EPG5: variants seen among roughly 807,000 people sequenced by gnomAD.
EPG5 encodes the protein ectopic P-granules 5 autophagy tethering factor.
A neutral mutation model predicts 302.7 loss-of-function variants in EPG5; 159 were observed. The observed-to-expected ratio is 0.53, with a 90% CI of 0.46 to 0.60. The LOEUF is 0.60. Ranked by LOEUF, EPG5 falls within the 20% of genes least tolerant of loss-of-function variation. EPG5 has a pLI of 0.00. For synonymous variants in EPG5, 1,158 were observed against 1,136.8 expected, an observed-to-expected ratio of 1.02 and a Z score of -0.37; for missense variants, 2,896 against 3,092.4, an observed-to-expected ratio of 0.94 and a Z score of 1.51.
the EPG5 span, chr18:45,837,118 G>A: frequency 1.2e-5 from 19 of 1,611,256 alleles, no homozygotes; most frequent in East Asian, 1.3e-4. Flanking sequence ...TCACCATCTC[G>A]GGGATCTTGG....
intron 31 of EPG5, among the ~76,000 whole-genome samples, chr18:45,881,549 T>G (rs1002408587): frequency 6.6e-6 from 1 of 152,216 alleles, no homozygotes; most frequent in African/African-American, 2.4e-5. Context: ...AAAGCAAAAT[T>G]TCATTTGCTA....
the EPG5 span, among the ~76,000 whole-genome samples, chr18:45,820,667 A>T: frequency 6.6e-6 from 1 of 152,110 alleles, no homozygotes; most frequent in African/African-American, 2.4e-5. Flanking sequence ...ATCTTCATCA[A>T]ATCAAACCTG....
chr18:45,877,375 C>T (rs1204503999), intron 34 of EPG5, among the ~76,000 whole-genome samples: 2 of 152,130 alleles, frequency 1.3e-5, no homozygotes, highest in Admixed American at 6.5e-5. Context: ...GCCAAGATCA[C>T]GTCACTGCAC....
chr18:45,839,007 G>C, the EPG5 span: 1 of 1,592,932 alleles, frequency 6.3e-7, no homozygotes, highest in Non-Finnish European at 8.5e-7. Context: ...GCGGGGCCTC[G>C]ACGGTCGCCC....
chr18:45,841,886 G>A, the EPG5 span, among the ~76,000 whole-genome samples: 1 of 152,162 alleles, frequency 6.6e-6, no homozygotes, highest in Admixed American at 6.5e-5. Context: ...CTCAGACAGA[G>A]ATAGCAACTC....
At chr18:45,838,371 G>A in the EPG5 span, among the ~76,000 whole-genome samples, 1 of 152,180 alleles carries the variant, frequency 6.6e-6, no homozygotes, top group African/African-American at 2.4e-5. Flanking sequence ...CCCTAGAGCA[G>A]TGGCTCTCCA....
chr18:45,955,525 T>G (rs980184609), intron 1 of EPG5, among the ~76,000 whole-genome samples, 187 bp from the exon 2 acceptor site: 1 of 152,208 alleles, frequency 6.6e-6, no homozygotes, highest in African/African-American at 2.4e-5. Flanking sequence ...ATATTTCGTA[T>G]TATCCAATAT....
downstream of EPG5, among the ~76,000 whole-genome samples, chr18:45,845,046 C>T (rs746335086): frequency 1.3e-5 from 2 of 152,148 alleles, no homozygotes; most frequent in African/African-American, 2.4e-5. Flanking sequence ...TTCAAAATGT[C>T]CTTTTGAAGT....
At chr18:45,856,463 G>A (rs1367810521) in intron 42 of EPG5, among the ~76,000 whole-genome samples, 2 of 152,212 alleles carry the variant, frequency 1.3e-5, no homozygotes, top group Non-Finnish European at 2.9e-5. Context: ...ATGTTCTGAA[G>A]CTAGATTGTG....
chr18:45,872,664 A>G (rs1392280152), intron 35 of EPG5, among the ~76,000 whole-genome samples: 4 of 152,050 alleles, frequency 2.6e-5, no homozygotes, highest in Non-Finnish European at 5.9e-5. Context: ...AGATCGCACC[A>G]CCGCACTCCA....
In EPG5 at chr18:45,889,907, G is replaced by A; in HGVS notation, c.4843C>T (p.Gln1615Ter). 1 of 1,603,960 alleles carries A rather than the reference G, an allele frequency of 6.2e-7. No individual in the cohort carries two copies. ...TCCTTCCGTAAAACATGAAGCTGTT[G>A]GCTTATGGCTTCATTCTTATGCATG... is the stretch of plus-strand genomic sequence containing the variant. ...EGMHKNEAIS[Q>*]QLHVLRKEVK... Residue 1615 changes from glutamine to a stop codon, truncating the protein, a stop_gained, in exon 28 of 44, where the codon CAA becomes TAA. Coordinates refer to ENST00000282041, the MANE Select transcript of EPG5 (RefSeq NM_020964.3). LOFTEE classifies it high-confidence loss of function.
intron 43 of EPG5, among the ~76,000 whole-genome samples, chr18:45,854,580 C>A (rs1402560696): frequency 6.6e-6 from 1 of 152,194 alleles, no homozygotes. Flanking sequence ...TAGTTCCCAG[C>A]TGGATGCAGT....
chr18:45,830,749 C>A, the EPG5 span, among the ~76,000 whole-genome samples: 3 of 94,158 alleles, frequency 3.2e-5, no homozygotes, highest in African/African-American at 1.6e-4. Context: ...CCATGCCAGG[C>A]TAATTTTTTT....
At chr18:45,836,785 C>T in the EPG5 span, among the ~76,000 whole-genome samples, 1 of 152,246 alleles carries the variant, frequency 6.6e-6, no homozygotes, top group Non-Finnish European at 1.5e-5. Context: ...ACCAACTCAA[C>T]GCATTAGCTT....
chr18:45,802,827 T>A, the EPG5 span, among the ~76,000 whole-genome samples: 1 of 152,220 alleles, frequency 6.6e-6, no homozygotes, highest in African/African-American at 2.4e-5. Flanking sequence ...ACCTGGTAAA[T>A]CAAGTTTATA....
rs370605579 is a variant in EPG5 at position 45,883,631 on chromosome 18, T to G, written c.5304+986A>C. Among the ~76,000 whole-genome samples, 1,361 of 138,464 alleles carry G rather than the reference T, an allele frequency of 9.8e-3. 30 individuals are homozygous for G. Among genetic ancestry groups the G allele is most frequent in the South Asian group, 0.029 (126 of 4,274 alleles). The allele number at this position is 138,464 out of a possible 152,430, so 90.8% of individuals were successfully genotyped here. On this transcript the variant is annotated intron_variant, in intron 30 of 43. Coordinates refer to ENST00000282041, the MANE Select transcript of EPG5 (RefSeq NM_020964.3). ...AGCCTGGTGTTTTTTTTTTTTTTTT[T>G]TTTTTTTTTTGTACAGACAGGGTTT...
At position 45,887,883 on chromosome 18, in the gene EPG5, C is replaced by A; in HGVS notation, c.4977G>T (p.Leu1659Phe). Residue 1659 changes from leucine (L) to phenylalanine (F), a missense_variant, in exon 29 of 44, where the codon TTG becomes TTT. This residue lies in a region of EPG5 where 790 missense variants were observed against 798.0 expected (regional missense o/e 0.99). Transcript: ENST00000282041. Reference protein sequence around the residue: ...LITALVNAYKLQPTPGIQKVG... With the variant: ...LITALVNAYKFQPTPGIQKVG... ...CTTTCTGAATCCCAGGTGTAGGCTG[C>A]AACTTGTAGGCATTCACTAAGGCCC... 6.3e-7 allele frequency: 1 copy of A among 1,586,750 alleles called. No homozygotes were observed.
intron 39 of EPG5, among the ~76,000 whole-genome samples, chr18:45,861,411 T>C (rs1285582018): frequency 1.3e-5 from 2 of 152,232 alleles, no homozygotes; most frequent in African/African-American, 4.8e-5. Flanking sequence ...CAACAGACCC[T>C]AGTCTCTCCC....
At chr18:45,967,040 A>G in intron 1 of EPG5, 137 bp downstream of exon 1, 1 of 785,852 alleles carries the variant, frequency 1.3e-6, no homozygotes, top group East Asian at 3.0e-5. Context: ...GGGTGGTGGG[A>G]TCAAATATTG....
Sources: gnomAD v4.1 joint callset for allele counts (sites outside exome capture counted in the v4.1 genomes callset) on GRCh38, gnomAD v4.1.1 for gene constraint, gnomAD v4.1.1 regional missense constraint, MANE v1.5 for transcripts, NCBI Gene and HGNC (gene_info 2026-07-23, HGNC 2026-07-21) for gene names.